The following DLG2 variants were observed in gnomAD, a reference collection of about 807,000 sequenced individuals.
DLG2 encodes disks large homolog 2.
DLG2 carries 45 observed loss-of-function variants against 132.5 expected under a neutral mutation model. The observed-to-expected ratio is 0.34, with a 90% CI of 0.27 to 0.44. The LOEUF (loss-of-function observed/expected upper bound fraction) is 0.44. Ranked by LOEUF, DLG2 falls within the 20% of genes least tolerant of loss-of-function variation. DLG2 has a pLI of 1.00. For synonymous variants in DLG2, 424 were observed against 419.6 expected, an observed-to-expected ratio of 1.01 and a Z score of -0.13; for missense variants, 1,045 against 1,196.9, an observed-to-expected ratio of 0.87 and a Z score of 1.87.
chr11:84,284,480 C>T (rs1247822948), intron 7 of DLG2, among the ~76,000 whole-genome samples: 1 of 152,232 alleles, frequency 6.6e-6, no homozygotes, highest in African/African-American at 2.4e-5. Flanking sequence ...ATATCCTACA[C>T]ACACTGCAGA....
chr11:84,218,888 T>C (rs532230317), intron 8 of DLG2, among the ~76,000 whole-genome samples: 3 of 152,316 alleles, frequency 2.0e-5, no homozygotes, highest in East Asian at 3.9e-4. Context: ...AATGTATCAA[T>C]AGGGCCAAAG....
intron 6 of DLG2, among the ~76,000 whole-genome samples, chr11:84,904,725 C>T (rs892593238): frequency 6.6e-6 from 1 of 152,042 alleles, no homozygotes; most frequent in African/African-American, 2.4e-5. Flanking sequence ...CTAATACACA[C>T]AAAAAAGGCA....
chr11:85,556,754 A>G (rs915798628), intron 3 of DLG2, among the ~76,000 whole-genome samples: 3 of 151,874 alleles, frequency 2.0e-5, no homozygotes, highest in Admixed American at 6.6e-5. Flanking sequence ...AGTAACAGCA[A>G]AATGCCTCAC....
Position 85,262,984 on chromosome 11 carries a change from G to C in DLG2, c.186+22236C>G, listed in dbSNP as rs554943498. ...CCAGGGATGAGTCTGAGGAATGGAAGGGCTTTGTCCCATGGTGGGACCAAA... is the reference window on the plus strand; with the variant it reads ...CCAGGGATGAGTCTGAGGAATGGAACGGCTTTGTCCCATGGTGGGACCAAA... On this transcript the variant is annotated intron_variant, in intron 4 of 27. Transcript: ENST00000376104. 2.0e-5 allele frequency among the ~76,000 whole-genome samples: 3 copies of C among 152,306 alleles called. No individual in the cohort carries two copies. In the East Asian group the frequency reaches 5.8e-4, roughly 29 times the overall value.
At chr11:83,649,514 G>A (rs1271040328) in intron 18 of DLG2, among the ~76,000 whole-genome samples, 1 of 152,104 alleles carries the variant, frequency 6.6e-6, no homozygotes, top group Non-Finnish European at 1.5e-5. Flanking sequence ...AAATTGAAGG[G>A]GATGAGGCAG....
intron 7 of DLG2, among the ~76,000 whole-genome samples, chr11:84,370,057 A>G (rs1252809280): frequency 6.6e-6 from 1 of 152,140 alleles, no homozygotes; most frequent in African/African-American, 2.4e-5. Flanking sequence ...GAGAGAGGGT[A>G]TTTACCTCTT....
In DLG2 at chr11:83,985,396, G is replaced by T. The variant is rs536361177; in HGVS notation, c.920-4754C>A. On this transcript the variant is annotated intron_variant, in intron 11 of 27. Coordinates refer to ENST00000376104, the MANE Select transcript of DLG2 (RefSeq NM_001142699.3). The stretch of plus-strand genomic sequence containing the variant: ...TGGGGTACATATGCAATATGTCCAG[G>T]TTTGTCACATTGGTAAATGTGTGCC... Among the ~76,000 whole-genome samples the T allele has an allele frequency of 5.9e-5, 9 of 151,894 alleles. No individual in the cohort carries two copies. In the East Asian group the frequency reaches 1.5e-3, roughly 26 times the overall value.
intron 6 of DLG2, among the ~76,000 whole-genome samples, chr11:84,547,364 C>G (rs920887090): frequency 6.6e-6 from 1 of 152,168 alleles, no homozygotes; most frequent in East Asian, 1.9e-4. Context: ...TCTCACAGCC[C>G]TCCTAGTCTC....
chr11:85,459,953 C>A (rs2092552113), intron 3 of DLG2, among the ~76,000 whole-genome samples: 1 of 152,184 alleles, frequency 6.6e-6, no homozygotes, highest in Non-Finnish European at 1.5e-5. Context: ...GAGATCTGTA[C>A]CACTCCCTAA....
At chr11:84,021,949 G>A (rs2095408746) in intron 11 of DLG2, among the ~76,000 whole-genome samples, 1 of 152,024 alleles carries the variant, frequency 6.6e-6, no homozygotes, top group Non-Finnish European at 1.5e-5. Context: ...GTTTCTCCAT[G>A]TTGGTCAGGC....
At chr11:85,042,861 G>T (rs1404583912) in intron 6 of DLG2, among the ~76,000 whole-genome samples, 1 of 151,818 alleles carries the variant, frequency 6.6e-6, no homozygotes, top group Non-Finnish European at 1.5e-5. Flanking sequence ...ATTTATGGAA[G>T]ATATTTTAGA....
At chr11:84,128,535 T>C (rs2094279351) in intron 9 of DLG2, among the ~76,000 whole-genome samples, 1 of 152,140 alleles carries the variant, frequency 6.6e-6, no homozygotes. Context: ...CTTCTAGAAA[T>C]GTGAATAATA....
At chr11:83,659,052 A>G (rs2073533309) in intron 18 of DLG2, among the ~76,000 whole-genome samples, 1 of 152,180 alleles carries the variant, frequency 6.6e-6, no homozygotes, top group African/African-American at 2.4e-5. Context: ...GGCTGCCCAT[A>G]ATATTCTGTA....
At chr11:85,512,984 A>T (rs73499113) in intron 3 of DLG2, among the ~76,000 whole-genome samples, 1,794 of 152,232 alleles carry the variant, frequency 0.012, 33 homozygotes, top group African/African-American at 0.041. Flanking sequence ...AATGTGGTAC[A>T]TATACACCAT....
chr11:84,714,657 C>CTCTCTCTCTCTCTCTCTCTCTCTCTCTT (rs1565751150), intron 6 of DLG2, among the ~76,000 whole-genome samples: 5 of 143,572 alleles, frequency 3.5e-5, no homozygotes, highest in African/African-American at 1.4e-4. Flanking sequence ...TTCTCTCTCT[C>CTCTCTCTCTCTCTCTCTCTCTCTCTCTT]TCTCTCTCTC....
intron 15 of DLG2, among the ~76,000 whole-genome samples, chr11:83,877,437 A>G (rs1476386284): frequency 6.6e-6 from 1 of 152,146 alleles, no homozygotes; most frequent in Non-Finnish European, 1.5e-5. Context: ...GTAATTTCTG[A>G]TAGCTTTCTC....
chr11:83,560,874 T>C (rs543671358), intron 19 of DLG2, among the ~76,000 whole-genome samples: 60 of 152,310 alleles, frequency 3.9e-4, no homozygotes, highest in African/African-American at 1.3e-3. Flanking sequence ...CATTCTCACA[T>C]TGCTATAAGG....
intron 6 of DLG2, among the ~76,000 whole-genome samples, chr11:85,052,471 T>C (rs942323272): frequency 6.6e-6 from 1 of 152,214 alleles, no homozygotes; most frequent in Non-Finnish European, 1.5e-5. Context: ...TTATATACCT[T>C]GAAAACTGTG....
chr11:85,574,424 CAAA>C (rs781533239), intron 3 of DLG2, among the ~76,000 whole-genome samples: 7 of 116,546 alleles, frequency 6.0e-5, no homozygotes, highest in African/African-American at 6.3e-5. Context: ...GCTGCTCAGG[CAAA>C]AAAAAAAAAA....
Sources: allele counts gnomAD v4.1 joint callset (sites outside exome capture counted in the v4.1 genomes callset), GRCh38; gene constraint gnomAD v4.1.1; transcripts MANE v1.5; gene names NCBI Gene and HGNC (gene_info 2026-07-23, HGNC 2026-07-21).